NAALADL2: variants seen among roughly 807,000 people sequenced by gnomAD.
NAALADL2 encodes the protein inactive N-acetylated-alpha-linked acidic dipeptidase-like protein 2.
A neutral mutation model predicts 87.2 loss-of-function variants in NAALADL2; 76 were observed. The observed-to-expected ratio is 0.87, with a 90% CI of 0.72 to 1.05. NAALADL2 has a LOEUF of 1.05. NAALADL2 is among the 50% of genes least tolerant of loss of function. The probability of loss-of-function intolerance (pLI) is 0.00; values close to 1 mark genes in which losing one functional copy is unlikely to be tolerated. For synonymous variants in NAALADL2, 354 were observed against 331.0 expected, an observed-to-expected ratio of 1.07 and a Z score of -0.75; for missense variants, 1,089 against 945.8, an observed-to-expected ratio of 1.15 and a Z score of -1.99.
intron 2 of NAALADL2, among the ~76,000 whole-genome samples, chr3:175,212,763 G>A (rs186879943): frequency 1.3e-5 from 2 of 152,096 alleles, no homozygotes; most frequent in African/African-American, 4.8e-5. Flanking sequence ...TAAAATAAAT[G>A]TAAAAGCCTA....
intron 1 of NAALADL2, among the ~76,000 whole-genome samples, chr3:174,530,261 C>T (rs954823457): frequency 3.9e-5 from 6 of 152,108 alleles, no homozygotes; most frequent in Admixed American, 2.0e-4. Context: ...CTAAAACATA[C>T]GAAGAGTCAC....
At chr3:174,964,749 A>G (rs1742617504) in intron 1 of NAALADL2, among the ~76,000 whole-genome samples, 1 of 152,028 alleles carries the variant, frequency 6.6e-6, no homozygotes. Context: ...TGCTTGTAAT[A>G]ATAGTAGTAA....
intron 2 of NAALADL2, among the ~76,000 whole-genome samples, chr3:174,597,576 A>G (rs192158085): frequency 2.0e-5 from 3 of 152,218 alleles, no homozygotes; most frequent in Non-Finnish European, 4.4e-5. Context: ...TCCATATACA[A>G]TATTTTCCTT....
intron 3 of NAALADL2, among the ~76,000 whole-genome samples, chr3:174,801,844 TATC>T (rs780087939): frequency 3.3e-5 from 5 of 151,968 alleles, no homozygotes; most frequent in African/African-American, 4.8e-5. Flanking sequence ...ATGAGTCTCT[TATC>T]ATGATAGCTT....
intron 5 of NAALADL2, among the ~76,000 whole-genome samples, chr3:175,356,609 T>TAATAATAATAATAAA (rs1553872598): frequency 1.1e-4 from 15 of 132,914 alleles, no homozygotes; most frequent in African/African-American, 2.8e-4. Flanking sequence ...ATAATAATAA[T>TAATAATAATAATAAA]AAAGAAATAA....
At chr3:174,589,150 C>T (rs927600622) in intron 2 of NAALADL2, among the ~76,000 whole-genome samples, 3 of 152,180 alleles carry the variant, frequency 2.0e-5, no homozygotes, top group Non-Finnish European at 4.4e-5. Context: ...GCGAGCGAGG[C>T]TCCTTGGGCG....
At chr3:174,703,733 T>C (rs1185105862) in intron 2 of NAALADL2, among the ~76,000 whole-genome samples, 1 of 152,178 alleles carries the variant, frequency 6.6e-6, no homozygotes, top group Non-Finnish European at 1.5e-5. Context: ...GTGCTTAGCA[T>C]AGAAACCAAG....
At position 174,924,461 on chromosome 3, in the gene NAALADL2, T is replaced by C. The variant is rs187016353; in HGVS notation, c.43+65011T>C. Among the ~76,000 whole-genome samples the C allele has an allele frequency of 2.1e-3, 323 of 152,208 alleles. 3 individuals carry two copies. The highest frequency in any genetic ancestry group is 0.019 in the Admixed American group (286 of 15,290). On this transcript the variant is annotated intron_variant, in intron 1 of 13. Coordinates refer to ENST00000454872, the MANE Select transcript of NAALADL2 (RefSeq NM_207015.3). Reference sequence around the variant, plus strand: ...CACATTTTCTTAATCCAGTCTATCATTGACGGACATTTGGGTTGGTTCCAA... The same window carrying C: ...CACATTTTCTTAATCCAGTCTATCACTGACGGACATTTGGGTTGGTTCCAA...
chr3:175,051,049 A>G (rs1030488799), intron 1 of NAALADL2, among the ~76,000 whole-genome samples: 1 of 152,182 alleles, frequency 6.6e-6, no homozygotes, highest in African/African-American at 2.4e-5. Context: ...GTATAAAAGT[A>G]TTTCTTAAGA....
chr3:175,046,975 G>A (rs1029004171), intron 1 of NAALADL2, among the ~76,000 whole-genome samples: 1 of 152,170 alleles, frequency 6.6e-6, no homozygotes, highest in Non-Finnish European at 1.5e-5. Flanking sequence ...AGAAGATTCA[G>A]TGTCTGGCAA....
At chr3:175,225,541 G>A (rs780978524) in intron 2 of NAALADL2, among the ~76,000 whole-genome samples, 7 of 151,966 alleles carry the variant, frequency 4.6e-5, no homozygotes, top group Admixed American at 3.3e-4. Context: ...GGGAATCTTT[G>A]TTAGTGTTTA....
At chr3:175,626,306 C>G (rs1379214131) in intron 10 of NAALADL2, among the ~76,000 whole-genome samples, 1 of 151,932 alleles carries the variant, frequency 6.6e-6, no homozygotes, top group Non-Finnish European at 1.5e-5. Context: ...AAATACTCTT[C>G]TGGGTACTTT....
chr3:175,736,101 G>A (rs1260190017), intron 11 of NAALADL2, among the ~76,000 whole-genome samples: 1 of 152,066 alleles, frequency 6.6e-6, no homozygotes, highest in Admixed American at 6.6e-5. Flanking sequence ...GATAACAATG[G>A]CATTTGCTGC....
At position 175,338,741 on chromosome 3, in the gene NAALADL2, G is replaced by T. The variant is rs577286900; in HGVS notation, c.1090+14416G>T. ...AACTCTGGCAAAACCACCCACTAAA[G>T]TGTGAGCAGGAGTGCAAGAGTTCCT... On this transcript the variant is annotated intron_variant, in intron 5 of 13. Transcript: ENST00000454872. 4.1e-4 allele frequency among the ~76,000 whole-genome samples: 62 copies of T among 151,938 alleles called. 2 individuals are homozygous for T. In the South Asian group the frequency reaches 0.013, roughly 31 times the overall value.
intron 13 of NAALADL2, among the ~76,000 whole-genome samples, chr3:175,757,234 G>A (rs1747388975): frequency 1.3e-5 from 2 of 152,094 alleles, no homozygotes; most frequent in South Asian, 4.1e-4. Flanking sequence ...AGGAATCGAT[G>A]TATGGTATAG....
intron 2 of NAALADL2, among the ~76,000 whole-genome samples, chr3:175,161,168 T>A (rs1383158911): frequency 4.6e-5 from 7 of 152,108 alleles, no homozygotes; most frequent in African/African-American, 7.2e-5. Context: ...GCTTTTACAG[T>A]AATGATTTAG....
At position 175,250,123 on chromosome 3, in the gene NAALADL2, C is replaced by A. The variant is rs553007997; in HGVS notation, c.820-6288C>A. On this transcript the variant is annotated intron_variant, in intron 3 of 13. Coordinates refer to ENST00000454872, the MANE Select transcript of NAALADL2 (RefSeq NM_207015.3). The stretch of plus-strand genomic sequence containing the variant: ...AGTGGAGGTTGCCGTTAGTCAAGAT[C>A]GTGCCACTGCACTCCAGCCTGGGCA... Among the ~76,000 whole-genome samples the A allele has an allele frequency of 3.3e-5, 5 of 149,754 alleles. No individual in the cohort carries two copies. The South Asian group carries it at 8.4e-4, about 25-fold the overall frequency.
intron 2 of NAALADL2, among the ~76,000 whole-genome samples, chr3:175,119,454 T>C (rs1725781702): frequency 6.6e-6 from 1 of 151,240 alleles, no homozygotes; most frequent in African/African-American, 2.4e-5. Context: ...TAGTTCTACA[T>C]GGCAGGACTA....
At chr3:175,382,509 A>G (rs1767898936) in intron 5 of NAALADL2, among the ~76,000 whole-genome samples, 2 of 77,940 alleles carry the variant, frequency 2.6e-5, no homozygotes, top group South Asian at 4.2e-4. Context: ...GAAAAGATGA[A>G]TATCCACAAT....
Sources: gnomAD v4.1 joint callset for allele counts (sites outside exome capture counted in the v4.1 genomes callset) on GRCh38, gnomAD v4.1.1 for gene constraint, MANE v1.5 for transcripts, NCBI Gene and HGNC (gene_info 2026-07-23, HGNC 2026-07-21) for gene names.